The following PTPRG variants were observed in gnomAD, a reference collection of about 807,000 sequenced individuals.
PTPRG encodes the protein receptor-type tyrosine-protein phosphatase gamma.
In PTPRG, 102 loss-of-function variants were observed where a neutral mutation model predicts 165.3. That is an observed-to-expected ratio of 0.62 (90% confidence interval 0.53 to 0.73). PTPRG has a LOEUF of 0.73. PTPRG is among the 30% of genes least tolerant of loss of function. The pLI is 0.00. For synonymous variants in PTPRG, 675 were observed against 669.5 expected (o/e 1.01, Z -0.13); for missense variants, 1,866 against 1,861.4 (o/e 1.00, Z -0.05).
At chr3:62,089,114 C>T (rs762800380) in intron 5 of PTPRG, among the ~76,000 whole-genome samples, 1 of 152,214 alleles carries the variant, frequency 6.6e-6, no homozygotes, top group Non-Finnish European at 1.5e-5. Flanking sequence ...CTCAACCCAT[C>T]TGAAGCCCAG....
At chr3:61,680,709 A>G (rs898269108) in intron 1 of PTPRG, among the ~76,000 whole-genome samples, 2 of 151,402 alleles carry the variant, frequency 1.3e-5, no homozygotes, top group Non-Finnish European at 2.9e-5. Context: ...TGGTGAGCAA[A>G]CTTTTCCTAG....
intron 5 of PTPRG, among the ~76,000 whole-genome samples, chr3:62,126,441 G>A (rs2106909418): frequency 6.6e-6 from 1 of 152,274 alleles, no homozygotes; most frequent in South Asian, 2.1e-4. Flanking sequence ...AAGTGGGGAG[G>A]GTGAATCCTA....
At chr3:61,665,961 C>G (rs555932906) in intron 1 of PTPRG, among the ~76,000 whole-genome samples, 1 of 148,880 alleles carries the variant, frequency 6.7e-6, no homozygotes, top group African/African-American at 2.5e-5. Context: ...GATTAGAATT[C>G]TAGCTCTTAA....
chr3:62,246,856 T>C (rs1701298606), intron 15 of PTPRG, among the ~76,000 whole-genome samples: 1 of 152,182 alleles, frequency 6.6e-6, no homozygotes, highest in African/African-American at 2.4e-5. Context: ...CAAATTATTT[T>C]ACCACTTGGG....
At chr3:61,963,763 G>A (rs2040207422) in intron 2 of PTPRG, among the ~76,000 whole-genome samples, 1 of 152,064 alleles carries the variant, frequency 6.6e-6, no homozygotes, top group Non-Finnish European at 1.5e-5. Context: ...ACATATTCAT[G>A]ACAAGTTGAA....
chr3:62,297,341 G>T lies in PTPRG; in HGVS notation c.*4034G>T, dbSNP rs971384056. On this transcript the variant is annotated 3_prime_UTR_variant, in exon 30 of 30. Transcript: ENST00000474889. ...GTGTTATTTCTTTGAGGCAGTGATT[G>T]TGAAAGTTGGGTTTTCTTTTTAATT... The T allele has an allele frequency of 1.3e-5, 2 of 151,744 alleles. No homozygotes were observed. The highest frequency in any genetic ancestry group is 2.1e-4 in the South Asian group (1 of 4,820). 9.4% of individuals were successfully genotyped at this position (151,744 alleles called of 1,614,324 possible).
intron 4 of PTPRG, among the ~76,000 whole-genome samples, chr3:62,016,637 A>G (rs745654015): frequency 2.0e-5 from 3 of 152,150 alleles, no homozygotes; most frequent in Non-Finnish European, 4.4e-5. Context: ...GCCCTTCACA[A>G]TCCACTCTTT....
At chr3:61,628,301 T>C (rs974115325) in intron 1 of PTPRG, among the ~76,000 whole-genome samples, 5 of 152,066 alleles carry the variant, frequency 3.3e-5, no homozygotes, top group African/African-American at 1.2e-4. Context: ...CAACTTCTTA[T>C]CTATTTTTTC....
At chr3:62,013,520 ATGTAT>A (rs1453089594) in intron 4 of PTPRG, among the ~76,000 whole-genome samples, 4 of 152,222 alleles carry the variant, frequency 2.6e-5, no homozygotes, top group African/African-American at 4.8e-5. Context: ...GTTAATAAAA[ATGTAT>A]TGTATGCAGT....
At chr3:62,289,034 C>A (rs553941829) in intron 28 of PTPRG, among the ~76,000 whole-genome samples, 1 of 152,138 alleles carries the variant, frequency 6.6e-6, no homozygotes, top group Non-Finnish European at 1.5e-5. Flanking sequence ...AGTAAAATAA[C>A]ATTTAGTGAA....
chr3:61,716,683 A>G (rs1267034897), intron 1 of PTPRG, among the ~76,000 whole-genome samples: 1 of 152,160 alleles, frequency 6.6e-6, no homozygotes, highest in Admixed American at 6.5e-5. Flanking sequence ...TTTTAAATAA[A>G]AACTCCCAGC....
intron 2 of PTPRG, among the ~76,000 whole-genome samples, chr3:61,869,747 T>TTTTTGTTTTGTTTTGTTTTG (rs552364668): frequency 6.6e-6 from 1 of 151,296 alleles, no homozygotes. Flanking sequence ...CCTGGCTAAT[T>TTTTTGTTTTGTTTTGTTTTG]TTTTGTTTTG....
chr3:62,192,445 G>T (rs1699859131), intron 9 of PTPRG, among the ~76,000 whole-genome samples: 1 of 108,200 alleles, frequency 9.2e-6, no homozygotes, highest in African/African-American at 3.5e-5. Context: ...GTCTTGCTCT[G>T]TCGCCCAGGC....
intron 1 of PTPRG, among the ~76,000 whole-genome samples, chr3:61,706,273 C>T (rs2031251337): frequency 6.6e-6 from 1 of 151,908 alleles, no homozygotes; most frequent in African/African-American, 2.4e-5. Flanking sequence ...TGAGTAAGTG[C>T]CCAATGTGAG....
At chr3:61,701,095 C>T (rs1283802136) in intron 1 of PTPRG, among the ~76,000 whole-genome samples, 1 of 152,090 alleles carries the variant, frequency 6.6e-6, no homozygotes, top group East Asian at 1.9e-4. Flanking sequence ...CCTTGCTTGC[C>T]CCTTTGTTCT....
chr3:61,986,428 G>A (rs1031433842), intron 2 of PTPRG, among the ~76,000 whole-genome samples: 9 of 152,100 alleles, frequency 5.9e-5, no homozygotes, highest in Non-Finnish European at 1.3e-4. Flanking sequence ...ACGAAGGGAC[G>A]TTTACCCTGA....
intron 1 of PTPRG, among the ~76,000 whole-genome samples, chr3:61,619,515 AG>A (rs1575542304): frequency 6.6e-6 from 1 of 152,318 alleles, no homozygotes; most frequent in East Asian, 1.9e-4. Context: ...CAGCCACCGC[AG>A]GAAAGAATTA....
At chr3:62,122,702 T>C (rs946940780) in intron 5 of PTPRG, among the ~76,000 whole-genome samples, 6 of 152,194 alleles carry the variant, frequency 3.9e-5, no homozygotes, top group African/African-American at 1.4e-4. Context: ...TTTGCTCCAT[T>C]TGGGGTTCGC....
chr3:61,651,976 C>T (rs1343317596), intron 1 of PTPRG, among the ~76,000 whole-genome samples: 1 of 152,064 alleles, frequency 6.6e-6, no homozygotes, highest in East Asian at 1.9e-4. Flanking sequence ...CACCACTGCA[C>T]TCCAGCCTGG....
Sources: gnomAD v4.1 joint callset for allele counts (sites outside exome capture counted in the v4.1 genomes callset) on GRCh38, gnomAD v4.1.1 for gene constraint, MANE v1.5 for transcripts, NCBI Gene and HGNC (gene_info 2026-07-23, HGNC 2026-07-21) for gene names.